The following SPTAN1 variants were observed in gnomAD, a reference collection of about 807,000 sequenced individuals.
SPTAN1 encodes spectrin alpha, non-erythrocytic 1, also known as spectrin alpha chain, non-erythrocytic 1.
A neutral mutation model predicts 331.3 loss-of-function variants in SPTAN1; 61 were observed. The observed-to-expected ratio is 0.18, with a 90% CI of 0.15 to 0.23. The LOEUF (loss-of-function observed/expected upper bound fraction) is 0.23. Ranked by LOEUF, SPTAN1 falls within the 10% of genes least tolerant of loss-of-function variation. The pLI, the probability that SPTAN1 is intolerant of heterozygous loss-of-function variation, is 1.00. For missense variants in SPTAN1, 2,043 were observed against 3,147.9 expected, an observed-to-expected ratio of 0.65 and a Z score of 8.40; for synonymous variants, 1,153 against 1,173.9, an observed-to-expected ratio of 0.98 and a Z score of 0.36.
chr9:128,627,212 CAG>C lies in SPTAN1; in HGVS notation c.6577-170_6577-169del. On this transcript the variant is annotated intron_variant, in intron 49 of 56. Transcript: ENST00000372739. This position sits in a 1 kb window ranked among gnomAD's most constrained non-coding sequence, Gnocchi z 4.9. ...CCTTGAAGCCCCTGGGGGGTGGGAA[CAG>C]AGAAAGAACTACCAAGTGCTCTGAG... 1 of 662,032 alleles carries C rather than the reference CAG, an allele frequency of 1.5e-6. No homozygotes were observed. Among genetic ancestry groups the C allele is most frequent in the East Asian group, 2.8e-5 (1 of 35,360 alleles). 41.0% of individuals were successfully genotyped at this position (662,032 alleles called of 1,614,324 possible). A position where few individuals can be genotyped will look rare whatever the true frequency, so the allele number is the denominator to read the frequency against.
chr9:128,600,654 G>A (rs1243450129), intron 27 of SPTAN1, among the ~76,000 whole-genome samples: 1 of 152,164 alleles, frequency 6.6e-6, no homozygotes, highest in Non-Finnish European at 1.5e-5. Context: ...CAGGGAGAAG[G>A]TGTGTTTTTT....
intron 44 of SPTAN1, among the ~76,000 whole-genome samples, chr9:128,619,541 G>A (rs777952957): frequency 3.3e-5 from 5 of 152,186 alleles, no homozygotes; most frequent in Non-Finnish European, 7.3e-5. Flanking sequence ...CTGTCTTCAC[G>A]TAGCCATCTT....
chr9:128,585,359 G>T (rs1333394568), intron 18 of SPTAN1, among the ~76,000 whole-genome samples: 1 of 152,006 alleles, frequency 6.6e-6, no homozygotes, highest in East Asian at 1.9e-4. Flanking sequence ...TGTGAAACGG[G>T]GATGACAGCA....
intron 26 of SPTAN1, chr9:128,599,265 G>A: frequency 4.5e-6 from 2 of 441,078 alleles, no homozygotes; most frequent in South Asian, 4.2e-5. Context: ...TTCCTGAGTA[G>A]CTGGAATTCC....
intron 31 of SPTAN1, among the ~76,000 whole-genome samples, chr9:128,606,594 C>A (rs1477611694): frequency 6.6e-6 from 1 of 151,382 alleles, no homozygotes; most frequent in East Asian, 2.0e-4. Flanking sequence ...AGCGATTCTC[C>A]TGCCTCAGCC....
intron 5 of SPTAN1, among the ~76,000 whole-genome samples, chr9:128,576,205 T>C (rs1033915808): frequency 2.0e-5 from 3 of 152,148 alleles, no homozygotes; most frequent in Non-Finnish European, 4.4e-5. Flanking sequence ...TCATATTTTT[T>C]AAAACACCAA....
Position 128,632,418 on chromosome 9 carries a change from G to A in SPTAN1, c.6960-13G>A. ...GTGGAGGGTCTGTTCCCTAATTTCT[G>A]TTTTTCTTCCAGGAACACAACAGGT... On this transcript the variant is annotated splice_polypyrimidine_tract_variant and intron_variant, in intron 53 of 56. Transcript: ENST00000372739. 1 of 1,614,106 alleles carries A rather than the reference G, an allele frequency of 6.2e-7. No individual in the cohort carries two copies.
intron 43 of SPTAN1, 81 bp from the exon 44 acceptor site, chr9:128,618,790 C>T: frequency 5.0e-6 from 8 of 1,607,698 alleles, no homozygotes; most frequent in Non-Finnish European, 6.0e-6. Flanking sequence ...GCTTTTGTGA[C>T]TGTTTTTAAG....
rs4307429 is a variant in SPTAN1, at chr9:128,588,767, G to A, written c.2872-42G>A. On this transcript the variant is annotated intron_variant, in intron 20 of 56. Transcript: ENST00000372739. ...GCTCTGTACTTAGATGACTCAGCGCGGACGTGTTTTTACCATGTTTGCCCT... is the reference window on the plus strand; with the variant it reads ...GCTCTGTACTTAGATGACTCAGCGCAGACGTGTTTTTACCATGTTTGCCCT... The A allele has an allele frequency of 5.1e-3, 8,232 of 1,612,128 alleles. 342 individuals carry two copies. In the African/African-American group the frequency reaches 0.092, roughly 18 times the overall value.
intron 2 of SPTAN1, among the ~76,000 whole-genome samples, chr9:128,567,843 C>T (rs909294001): frequency 7.2e-5 from 11 of 152,048 alleles, no homozygotes; most frequent in African/African-American, 2.7e-4. Flanking sequence ...TCACTGCAAC[C>T]TCTGCCTCCC....
At chr9:128,556,170 G>C (rs1410970971) in intron 1 of SPTAN1, among the ~76,000 whole-genome samples, 6 of 151,940 alleles carry the variant, frequency 3.9e-5, no homozygotes, top group Admixed American at 3.9e-4. Flanking sequence ...GCAATGAGCC[G>C]AGATTGCACC....
chr9:128,618,170 T>A, intron 43 of SPTAN1, 62 bp downstream of exon 43: 2 of 1,607,730 alleles, frequency 1.2e-6, no homozygotes, highest in Non-Finnish European at 1.7e-6. Context: ...AAGGGCAGAC[T>A]CTGAGCTGTG....
At position 128,568,808 on chromosome 9, in the gene SPTAN1, G is replaced by A; in HGVS notation, c.274G>A (p.Val92Met). The change falls in exon 3 of 57, where the codon GTG becomes ATG. Residue 92 changes from valine (V) to methionine (M), a missense_variant. By Grantham distance (21) the Val-to-Met change is conservative (BLOSUM62 1). Around this residue, in one of 12 missense-constraint regions of SPTAN1, gnomAD observed 1,038 missense variants for 1,531.5 expected, o/e 0.68. Coordinates refer to ENST00000372739, the MANE Select transcript of SPTAN1 (RefSeq NM_001130438.3). ...GAAGCATCAAGCATTTGAAGCTGAA[G>A]TGCAGGCCAACTCAGGAGCCATTGT... is the stretch of plus-strand genomic sequence containing the variant. ...LQKHQAFEAE[V>M]QANSGAIVKL... 2 of 1,614,186 alleles carry A rather than the reference G, an allele frequency of 1.2e-6. No individual in the cohort carries two copies. Among genetic ancestry groups the A allele is most frequent in the South Asian group, 1.1e-5 (1 of 91,080 alleles).
intron 27 of SPTAN1, among the ~76,000 whole-genome samples, chr9:128,600,697 C>G (rs1301869446): frequency 6.6e-6 from 1 of 152,150 alleles, no homozygotes; most frequent in African/African-American, 2.4e-5. Context: ...GAGTATTGCC[C>G]TGTCACCCAG....
At chr9:128,602,136 C>T (rs1427779038) in intron 27 of SPTAN1, among the ~76,000 whole-genome samples, 1 of 151,816 alleles carries the variant, frequency 6.6e-6, no homozygotes, top group Non-Finnish European at 1.5e-5. Flanking sequence ...GAAAATGTCA[C>T]CTAGGGATGC....
Position 128,614,968 on chromosome 9 carries a change from CAT to C in SPTAN1, c.5149-663_5149-662del, listed in dbSNP as rs373682033. Among the ~76,000 whole-genome samples the C allele has an allele frequency of 1.7e-3, 263 of 152,304 alleles. 1 individual carries two copies. The highest frequency in any genetic ancestry group is 7.0e-3 in the South Asian group (34 of 4,826). ...GTTATGCCTGTTCTATATGTTGACACATGTGATTATATGATATCAAAACATTG... is the reference window on the plus strand; with the variant it reads ...GTTATGCCTGTTCTATATGTTGACACGTGATTATATGATATCAAAACATTG... On this transcript the variant is annotated intron_variant, in intron 40 of 56. Coordinates refer to ENST00000372739, the MANE Select transcript of SPTAN1 (RefSeq NM_001130438.3).
At chr9:128,617,153 C>T (rs1404135150) in intron 41 of SPTAN1, among the ~76,000 whole-genome samples, 1 of 151,700 alleles carries the variant, frequency 6.6e-6, no homozygotes, top group Admixed American at 6.6e-5. Context: ...GTGGGAGGAT[C>T]ACTTGAACCG....
At position 128,618,060 on chromosome 9, in the gene SPTAN1, C is replaced by G. The variant is rs11543347; in HGVS notation, c.5552C>G (p.Ala1851Gly). 11 of 1,612,642 alleles carry G rather than the reference C, an allele frequency of 6.8e-6. No individual in the cohort carries two copies. ...AAAGAGGAGATCCAGCAGCGGCTGG[C>G]GCAGTTTGTGGAGCACTGGAAAGAG... ...IGKEEIQQRL[A>G]QFVEHWKELK... Residue 1851 changes from alanine (A) to glycine (G), a missense_variant, in exon 43 of 57, where the codon GCG (alanine) becomes GGG (glycine). Physicochemically the swap from Ala to Gly is moderately conservative, Grantham distance 60. Coordinates refer to ENST00000372739, the MANE Select transcript of SPTAN1 (RefSeq NM_001130438.3).
rs1401401277 is a variant in SPTAN1 at position 128,633,360 on chromosome 9, CGCTGCTTGCCCTGCGTCGCCTT to C, written c.*32_*53del. The C allele has an allele frequency of 1.9e-6, 3 of 1,613,306 alleles. No individual in the cohort carries two copies. Among genetic ancestry groups the C allele is most frequent in the African/African-American group, 1.3e-5 (1 of 74,934 alleles). On this transcript the variant is annotated 3_prime_UTR_variant, in exon 57 of 57. Coordinates refer to ENST00000372739, the MANE Select transcript of SPTAN1 (RefSeq NM_001130438.3). ...GCCACTCCCTGGGTCACCCACCCCT[CGCTGCTTGCCCTGCGTCGCCTT>C]GCTGCATGTCCGCTCCTCTGTGTGC...
Sources: gnomAD v4.1 joint callset for allele counts (sites outside exome capture counted in the v4.1 genomes callset) on GRCh38, gnomAD v4.1.1 for gene constraint, gnomAD v4.1.1 regional missense constraint, Gnocchi (gnomAD v3.1) non-coding constraint, MANE v1.5 for transcripts, NCBI Gene and HGNC (gene_info 2026-07-23, HGNC 2026-07-21) for gene names.